The following TBC1D30 variants were observed in gnomAD, a reference collection of about 807,000 sequenced individuals.
The protein encoded by TBC1D30 is TBC1 domain family, member 30.
TBC1D30 carries 31 observed loss-of-function variants against 63.2 expected under a neutral mutation model. The ratio of observed to expected loss-of-function variants is 0.49; its 90% CI spans 0.37 to 0.66. The LOEUF is 0.66. Among genes scored for constraint, TBC1D30 ranks in the 30% least tolerant of loss-of-function variants. The probability of loss-of-function intolerance (pLI) is 0.00; values close to 1 mark genes in which losing one functional copy is unlikely to be tolerated. For synonymous variants in TBC1D30, 307 were observed against 361.5 expected, an observed-to-expected ratio of 0.85 and a Z score of 1.71; for missense variants, 810 against 953.6, an observed-to-expected ratio of 0.85 and a Z score of 1.98.
At chr12:64,850,640 G>T (rs904940057) in intron 8 of TBC1D30, among the ~76,000 whole-genome samples, 2 of 152,118 alleles carry the variant, frequency 1.3e-5, no homozygotes, top group Non-Finnish European at 2.9e-5. Flanking sequence ...GACTGTGGTG[G>T]GTAAGCTTTT....
exon 1 of TBC1D30, chr12:64,759,522 T>G: frequency 6.2e-6 from 3 of 480,168 alleles, no homozygotes; most frequent in Non-Finnish European, 1.1e-5. Context: ...GAGGGAGGCA[T>G]CAGGCAGTGG....
At chr12:64,785,456 CTT>C (rs5798757) in intron 1 of TBC1D30, among the ~76,000 whole-genome samples, 1,767 of 147,508 alleles carry the variant, frequency 0.012, 35 homozygotes, top group African/African-American at 0.036. Flanking sequence ...CCTTTAAAGA[CTT>C]TTTTTTTTTT....
At chr12:64,841,069 C>A (rs1875826084) in intron 7 of TBC1D30, among the ~76,000 whole-genome samples, 1 of 152,206 alleles carries the variant, frequency 6.6e-6, no homozygotes, top group Non-Finnish European at 1.5e-5. Flanking sequence ...TTCATAGTCA[C>A]ACAGCCAGTG....
chr12:64,823,257 ACTG>A (rs377546908), upstream of TBC1D30, among the ~76,000 whole-genome samples: 86 of 152,202 alleles, frequency 5.7e-4, no homozygotes, highest in African/African-American at 2.1e-3. Flanking sequence ...CAATAATACT[ACTG>A]AATGAAATGT....
chr12:64,828,652 A>C (rs989335486), intron 3 of TBC1D30, 143 bp downstream of exon 3: 1 of 633,628 alleles, frequency 1.6e-6, no homozygotes, highest in Non-Finnish European at 2.7e-6. Flanking sequence ...ATATTTATTG[A>C]TTATTCTGTG....
At chr12:64,824,575 C>A, upstream of TBC1D30, 1 of 311,228 alleles carries the variant, frequency 3.2e-6, no homozygotes, top group South Asian at 1.3e-4. Context: ...GGCGGGCACG[C>A]CGCCTCCGTC....
In TBC1D30 at chr12:64,832,161, G is replaced by A; in HGVS notation, c.451G>A (p.Ala151Thr). 1 of 1,536,098 alleles carries A rather than the reference G, an allele frequency of 6.5e-7. No homozygotes were observed. Among genetic ancestry groups the A allele is most frequent in the Non-Finnish European group, 8.7e-7 (1 of 1,146,876 alleles). The change falls in exon 5 of 12, where the codon GCT becomes ACT. Residue 151 changes from alanine (A) to threonine (T), a missense_variant. Physicochemically the swap from Ala to Thr is moderately conservative, Grantham distance 58. Around this residue, in one of 4 missense-constraint regions of TBC1D30, gnomAD observed 272 missense variants for 335.9 expected, o/e 0.81. Transcript: ENST00000539867. ...TGCSSYCGQE[A>T]EQDRVVLKRV... ...CTGTAGTTCTTACTGTGGCCAGGAG[G>A]CTGAGCAGGACAGGGTTGTGTTGAA...
chr12:64,797,375 G>C (rs1872341554), intron 2 of TBC1D30, among the ~76,000 whole-genome samples: 1 of 152,130 alleles, frequency 6.6e-6, no homozygotes, highest in African/African-American at 2.4e-5. Flanking sequence ...TACTAACTCT[G>C]CTTAGAGTTT....
chr12:64,810,597 C>T (rs983708012), intron 2 of TBC1D30, among the ~76,000 whole-genome samples: 4 of 151,778 alleles, frequency 2.6e-5, no homozygotes, highest in East Asian at 3.9e-4. Flanking sequence ...AGCGAGACTC[C>T]GTCTCAAAAA....
At chr12:64,807,917 A>ATTTTTTTTTTTTTTTTTT (rs1175968255) in intron 2 of TBC1D30, among the ~76,000 whole-genome samples, 1 of 49,510 alleles carries the variant, frequency 2.0e-5, no homozygotes, top group Non-Finnish European at 3.4e-5. Context: ...GCCTAATTTA[A>ATTTTTTTTTTTTTTTTTT]GTTTTTTTTT....
upstream of TBC1D30, among the ~76,000 whole-genome samples, chr12:64,776,422 G>A (rs1326984639): frequency 6.6e-6 from 1 of 151,982 alleles, no homozygotes; most frequent in African/African-American, 2.4e-5. Context: ...ATGGTAAGGG[G>A]AATATTACCA....
chr12:64,848,641 A>G (rs1412379878), intron 8 of TBC1D30, among the ~76,000 whole-genome samples: 2 of 152,128 alleles, frequency 1.3e-5, no homozygotes, highest in African/African-American at 2.4e-5. Context: ...TCCATGGTGT[A>G]TATGTGCTAC....
rs771206876 is a variant in TBC1D30 at position 64,838,920 on chromosome 12, G to A, written c.932+69G>A. 122 of 1,349,984 alleles carry A rather than the reference G, an allele frequency of 9.0e-5. No homozygotes were observed. Among genetic ancestry groups the A allele is most frequent in the African/African-American group, 1.0e-4 (7 of 68,292 alleles). 83.6% of individuals were successfully genotyped at this position (1,349,984 alleles called of 1,614,324 possible). A position where few individuals can be genotyped will look rare whatever the true frequency, so the allele number is the denominator to read the frequency against. On this transcript the variant is annotated intron_variant, in intron 7 of 11. Transcript: ENST00000539867. Reference sequence around the variant, plus strand: ...CCTTAAGCAGTTTTTGTGCTCTAACGTGTAAAGCAATATTTAAGTGAAATG... The same window carrying A: ...CCTTAAGCAGTTTTTGTGCTCTAACATGTAAAGCAATATTTAAGTGAAATG...
intron 11 of TBC1D30, among the ~76,000 whole-genome samples, chr12:64,873,613 C>T (rs984434642): frequency 7.2e-5 from 11 of 152,002 alleles, no homozygotes; most frequent in Admixed American, 6.5e-5. Flanking sequence ...TTCATTACCA[C>T]ATATAGTTAG....
Position 64,839,898 on chromosome 12 carries a change from G to A in TBC1D30, c.932+1047G>A, listed in dbSNP as rs371797318. Among the ~76,000 whole-genome samples, 3 of 151,374 alleles carry A rather than the reference G, an allele frequency of 2.0e-5. No homozygotes were observed. In the East Asian group the frequency reaches 5.9e-4, roughly 30 times the overall value. The stretch of plus-strand genomic sequence containing the variant: ...TGGGCACCTGTATTCCCAGCTACTC[G>A]GGAGGCTGAGGCAGGAGAATGGCGT... On this transcript the variant is annotated intron_variant, in intron 7 of 11. Coordinates refer to ENST00000539867, the MANE Select transcript of TBC1D30 (RefSeq NM_015279.2).
intron 5 of TBC1D30, 100 bp from the exon 6 acceptor site, chr12:64,836,390 T>G: frequency 2.1e-6 from 2 of 952,112 alleles, no homozygotes; most frequent in Non-Finnish European, 3.1e-6. Flanking sequence ...GTGCTTTGGC[T>G]AACAGCGTTT....
intron 8 of TBC1D30, among the ~76,000 whole-genome samples, chr12:64,849,118 GT>G (rs987274486): frequency 1.3e-5 from 2 of 152,076 alleles, no homozygotes; most frequent in African/African-American, 2.4e-5. Flanking sequence ...TTTTTGATGG[GT>G]TTTTTTGTGT....
upstream of TBC1D30, among the ~76,000 whole-genome samples, chr12:64,778,083 C>T (rs1871133730): frequency 6.6e-6 from 1 of 152,206 alleles, no homozygotes; most frequent in African/African-American, 2.4e-5. Flanking sequence ...TTTCTTATAT[C>T]CAGAGCTTCA....
At chr12:64,811,130 G>GATTAAGTGAGTAATTA (rs1340509307) in intron 2 of TBC1D30, among the ~76,000 whole-genome samples, 2 of 152,216 alleles carry the variant, frequency 1.3e-5, no homozygotes, top group African/African-American at 4.8e-5. Flanking sequence ...CTGAAATGTT[G>GATTAAGTGAGTAATTA]ACTCACTCTA....
Sources: allele counts gnomAD v4.1 joint callset (sites outside exome capture counted in the v4.1 genomes callset), GRCh38; gene constraint gnomAD v4.1.1; regional missense constraint gnomAD v4.1.1; transcripts MANE v1.5; gene names NCBI Gene and HGNC (gene_info 2026-07-23, HGNC 2026-07-21).